Variants in ZDHHC2 observed in about 807,000 individuals in gnomAD.
The protein encoded by ZDHHC2 is zDHHC palmitoyltransferase 2.
Under a neutral mutation model 55.6 loss-of-function variants are expected in ZDHHC2, and 51 were observed. The observed-to-expected ratio is 0.92, with a 90% CI of 0.73 to 1.16. The LOEUF (loss-of-function observed/expected upper bound fraction) is 1.16, where lower values mean the gene tolerates loss of function less well. ZDHHC2 is among the 50% of genes most tolerant of loss of function. The pLI, the probability that ZDHHC2 is intolerant of heterozygous loss-of-function variation, is 0.00. For synonymous variants in ZDHHC2, 199 were observed against 152.9 expected (o/e 1.30, Z -2.22); for missense variants, 491 against 442.4 (o/e 1.11, Z -0.99).
At chr8:17,157,146 G>A (rs1343850459) in intron 1 of ZDHHC2, among the ~76,000 whole-genome samples, 1 of 152,140 alleles carries the variant, frequency 6.6e-6, no homozygotes, top group Non-Finnish European at 1.5e-5. Flanking sequence ...ACACCCCCTA[G>A]AGGGGCGGAA....
intron 1 of ZDHHC2, among the ~76,000 whole-genome samples, chr8:17,164,447 T>G (rs2705180): frequency 0.36 from 54,677 of 152,002 alleles, 11,850 homozygotes; most frequent in Middle Eastern, 0.5. Flanking sequence ...TATTTCTTCC[T>G]GGTATCCTGA....
rs1220719738 is a variant in ZDHHC2 at position 17,223,009 on chromosome 8, C to T, written c.*2788C>T. 2 of 151,716 alleles carry T rather than the reference C, an allele frequency of 1.3e-5. No homozygotes were observed. Among genetic ancestry groups the T allele is most frequent in the Non-Finnish European group, 3.0e-5 (2 of 67,786 alleles). 9.4% of individuals were successfully genotyped at this position (151,716 alleles called of 1,614,324 possible). Reference sequence around the variant, plus strand: ...GAAATATGGCATATGTTGACAAACACTTAACTAGGGAAATCAAAGATATAA... The same window carrying T: ...GAAATATGGCATATGTTGACAAACATTTAACTAGGGAAATCAAAGATATAA... On this transcript the variant is annotated 3_prime_UTR_variant, in exon 13 of 13. Coordinates refer to ENST00000262096, the MANE Select transcript of ZDHHC2 (RefSeq NM_016353.5).
rs753087499 is a variant in ZDHHC2, at chr8:17,222,055, C to G, written c.*1834C>G. On this transcript the variant is annotated 3_prime_UTR_variant, in exon 13 of 13. Coordinates refer to ENST00000262096, the MANE Select transcript of ZDHHC2 (RefSeq NM_016353.5). The stretch of plus-strand genomic sequence containing the variant: ...TGGACAGGATTCGATTAAGTATTCC[C>G]TCTTGTCAAACTGGAAGCTAGGGGA... The G allele has an allele frequency of 6.7e-6, 1 of 149,088 alleles. No individual in the cohort carries two copies. Among genetic ancestry groups the G allele is most frequent in the Non-Finnish European group, 1.5e-5 (1 of 67,274 alleles). 9.2% of individuals were successfully genotyped at this position (149,088 alleles called of 1,614,324 possible).
At chr8:17,191,116 C>T (rs914205975) in intron 3 of ZDHHC2, among the ~76,000 whole-genome samples, 2 of 151,870 alleles carry the variant, frequency 1.3e-5, no homozygotes, top group Admixed American at 6.6e-5. Context: ...TGCCTGCCAC[C>T]ACGCCCGGCT....
intron 11 of ZDHHC2, among the ~76,000 whole-genome samples, chr8:17,215,553 T>A (rs1026033478): frequency 6.6e-6 from 1 of 152,344 alleles, no homozygotes; most frequent in East Asian, 1.9e-4. Context: ...TTGTGAAAGA[T>A]GGATCTGCAT....
chr8:17,209,934 G>C lies in ZDHHC2; in HGVS notation c.733G>C (p.Ala245Pro). The C allele has an allele frequency of 6.2e-7, 1 of 1,603,284 alleles. No homozygotes were observed. The highest frequency in any genetic ancestry group is 8.5e-7 in the Non-Finnish European group (1 of 1,175,716). ...LVSKNKSTLE[A>P]FRSPVFRHGT... ...ATTCCTTTACCATCTTTTTTTAGAG[G>C]CATTCAGAAGTCCAGTATTTCGACA... The change falls in exon 9 of 13, where the codon GCA becomes CCA. Residue 245 changes from alanine to proline, a missense_variant and splice_region_variant. Physicochemically the swap from Ala to Pro is conservative, Grantham distance 27. Coordinates refer to ENST00000262096, the MANE Select transcript of ZDHHC2 (RefSeq NM_016353.5).
At position 17,186,395 on chromosome 8, in the gene ZDHHC2, C is replaced by G. The variant is rs1476963600; in HGVS notation, c.222C>G (p.Ile74Met). ...TTGTCTGGTCATACTGGAAAACTATCTTTACATTACCAATGAATCCTTCAA... is the reference window on the plus strand; with the variant it reads ...TTGTCTGGTCATACTGGAAAACTATGTTTACATTACCAATGAATCCTTCAA... Reference protein sequence around the residue: ...AMFVWSYWKTIFTLPMNPSKE... With the variant: ...AMFVWSYWKTMFTLPMNPSKE... The change falls in exon 3 of 13, where the codon ATC becomes ATG. Residue 74 changes from isoleucine to methionine, a missense_variant. Transcript: ENST00000262096. The G allele has an allele frequency of 1.9e-6, 3 of 1,577,744 alleles. No individual in the cohort carries two copies. Among genetic ancestry groups the G allele is most frequent in the Non-Finnish European group, 2.6e-6 (3 of 1,166,714 alleles).
chr8:17,197,946 A>G lies in ZDHHC2; in HGVS notation c.443+295A>G, dbSNP rs562104078. On this transcript the variant is annotated intron_variant, in intron 5 of 12. Coordinates refer to ENST00000262096, the MANE Select transcript of ZDHHC2 (RefSeq NM_016353.5). Reference sequence around the variant, plus strand: ...TCTATGAGTGTTTTCCATTTTTATAAAGAGAACTCAGTTGACTTCAGGACA... The same window carrying G: ...TCTATGAGTGTTTTCCATTTTTATAGAGAGAACTCAGTTGACTTCAGGACA... Among the ~76,000 whole-genome samples the G allele has an allele frequency of 5.9e-5, 9 of 152,302 alleles. No homozygotes were observed. In the Middle Eastern group the frequency reaches 0.01, roughly 173 times the overall value.
intron 1 of ZDHHC2, among the ~76,000 whole-genome samples, chr8:17,158,427 A>C (rs1563427629): frequency 6.6e-6 from 1 of 152,210 alleles, no homozygotes; most frequent in Non-Finnish European, 1.5e-5. Context: ...ACATTAAGCT[A>C]AGACGCTTAT....
chr8:17,199,187 C>T (rs1010890152), intron 6 of ZDHHC2, among the ~76,000 whole-genome samples: 4 of 152,120 alleles, frequency 2.6e-5, no homozygotes, highest in African/African-American at 9.7e-5. Context: ...GAATGGTTTT[C>T]TTAGCAGCAG....
intron 3 of ZDHHC2, 133 bp downstream of exon 3, chr8:17,186,558 A>G (rs953801723): frequency 3.7e-6 from 2 of 538,424 alleles, no homozygotes; most frequent in Non-Finnish European, 6.3e-6. Flanking sequence ...AAAAATTAGT[A>G]TTTCTGTTAA....
In ZDHHC2 at chr8:17,199,612, C is replaced by CTTCTTCCTCTTCTTCCT. The variant is rs1554466228; in HGVS notation, c.476+1205_476+1206insCTCTTCTTCCTTTCTTC. Reference sequence around the variant, plus strand: ...TCTTTCTTCTTCTTTATTCTTTCTTCTTCTTCTTCTTCCTTTCTTCTTCTT... The same window carrying CTTCTTCCTCTTCTTCCT: ...TCTTTCTTCTTCTTTATTCTTTCTTCTTCTTCCTCTTCTTCCTTTCTTCTTCTTCCTTTCTTCTTCTT... On this transcript the variant is annotated intron_variant, in intron 6 of 12. Transcript: ENST00000262096. 1.9e-3 allele frequency among the ~76,000 whole-genome samples: 134 copies of CTTCTTCCTCTTCTTCCT among 68,916 alleles called. 8 individuals are homozygous for CTTCTTCCTCTTCTTCCT. The highest frequency in any genetic ancestry group is 5.4e-3 in the African/African-American group (132 of 24,484). The allele number at this position is 68,916 out of a possible 152,430, so 45.2% of individuals were successfully genotyped here.
At chr8:17,201,439 G>A (rs1446539461) in intron 6 of ZDHHC2, among the ~76,000 whole-genome samples, 2 of 131,648 alleles carry the variant, frequency 1.5e-5, no homozygotes, top group Admixed American at 1.6e-4. Flanking sequence ...AGGACTTTTA[G>A]GATGTTTTCA....
rs943835903 is a variant in ZDHHC2 at position 17,191,151 on chromosome 8, G to C, written c.253-4353G>C. ...TATTTTTTGTGGTTTTAGTAGAGAT[G>C]AAGTTTCACCATGTTGGCCAGGCTG... On this transcript the variant is annotated intron_variant, in intron 3 of 12. Coordinates refer to ENST00000262096, the MANE Select transcript of ZDHHC2 (RefSeq NM_016353.5). 4.6e-5 allele frequency among the ~76,000 whole-genome samples: 7 copies of C among 151,830 alleles called. No individual in the cohort carries two copies. The South Asian group carries it at 1.5e-3, about 32-fold the overall frequency.
At chr8:17,161,567 A>G (rs2150875547) in intron 1 of ZDHHC2, among the ~76,000 whole-genome samples, 1 of 152,314 alleles carries the variant, frequency 6.6e-6, no homozygotes, top group Non-Finnish European at 1.5e-5. Context: ...CTTAGAAATG[A>G]TTACTTATTG....
chr8:17,158,755 T>C (rs1443632373), intron 1 of ZDHHC2, among the ~76,000 whole-genome samples: 1 of 152,254 alleles, frequency 6.6e-6, no homozygotes, highest in African/African-American at 2.4e-5. Flanking sequence ...TGGCCTGTTA[T>C]TGATACCTTA....
intron 4 of ZDHHC2, among the ~76,000 whole-genome samples, chr8:17,196,335 G>A (rs1279367752): frequency 6.6e-6 from 1 of 152,046 alleles, no homozygotes. Flanking sequence ...AAACTGACAT[G>A]TGCTCTAAGT....
At chr8:17,212,953 C>T (rs912077316) in intron 10 of ZDHHC2, among the ~76,000 whole-genome samples, 1 of 152,146 alleles carries the variant, frequency 6.6e-6, no homozygotes, top group East Asian at 1.9e-4. Flanking sequence ...GCCTCACACT[C>T]CTGGGCTCAA....
intron 1 of ZDHHC2, among the ~76,000 whole-genome samples, chr8:17,177,425 A>G (rs1200863623): frequency 6.6e-6 from 1 of 152,236 alleles, no homozygotes; most frequent in Non-Finnish European, 1.5e-5. Flanking sequence ...GTTAAAGCAT[A>G]TTGTAAAGAT....
Sources: allele counts gnomAD v4.1 joint callset (sites outside exome capture counted in the v4.1 genomes callset), GRCh38; gene constraint gnomAD v4.1.1; transcripts MANE v1.5; gene names NCBI Gene and HGNC (gene_info 2026-07-23, HGNC 2026-07-21).